OXR1: variants seen among roughly 807,000 people sequenced by gnomAD.
OXR1 encodes the protein oxidation resistance protein 1.
A neutral mutation model predicts 104.6 loss-of-function variants in OXR1; 41 were observed. That is an observed-to-expected ratio of 0.39 (90% CI 0.31 to 0.51). OXR1 has a LOEUF of 0.51. Ranked by LOEUF, OXR1 falls within the 20% of genes least tolerant of loss-of-function variation. OXR1 has a pLI of 0.77. For synonymous variants in OXR1, 348 were observed against 348.4 expected (o/e 1.00, Z 0.01); for missense variants, 955 against 1,031.9 (o/e 0.93, Z 1.02).
chr8:106,582,175 G>GAC (rs1554598100), intron 3 of OXR1, among the ~76,000 whole-genome samples: 1 of 60,126 alleles, frequency 1.7e-5, no homozygotes, highest in African/African-American at 1.2e-4. Flanking sequence ...TTTTTCTATT[G>GAC]ACATATATAT....
intron 2 of OXR1, among the ~76,000 whole-genome samples, chr8:106,490,115 T>G (rs1351860149): frequency 6.6e-6 from 1 of 152,196 alleles, no homozygotes; most frequent in Non-Finnish European, 1.5e-5. Flanking sequence ...TAAAAAGGAA[T>G]ACCTTTCCCC....
intron 3 of OXR1, chr8:106,657,919 G>GT: frequency 8.0e-7 from 1 of 1,247,190 alleles, no homozygotes; most frequent in Non-Finnish European, 1.0e-6. Context: ...GGGCGCGCTA[G>GT]TGGTGGCCGC....
At chr8:106,377,700 C>T (rs928836795) in intron 2 of OXR1, among the ~76,000 whole-genome samples, 1 of 151,992 alleles carries the variant, frequency 6.6e-6, no homozygotes, top group Non-Finnish European at 1.5e-5. Context: ...TTTTAAGCAG[C>T]GAATGCTATT....
chr8:106,363,048 G>A (rs1174077360), intron 2 of OXR1, among the ~76,000 whole-genome samples: 4 of 152,190 alleles, frequency 2.6e-5, no homozygotes, highest in Admixed American at 1.3e-4. Context: ...GTTAAAGACT[G>A]GACAGCATCT....
rs74953045 is a variant in OXR1, at chr8:106,526,845, G to A, written c.220+7706G>A. ...GGCGTGAGCCACCGCGCCATGTATA[G>A]CTATTGTCTCTTCAGAGTGGTTTAG... is the stretch of plus-strand genomic sequence containing the variant. On this transcript the variant is annotated intron_variant, in intron 3 of 16. Coordinates refer to ENST00000517566, the MANE Select transcript of OXR1 (RefSeq NM_001198533.2). Among the ~76,000 whole-genome samples the A allele has an allele frequency of 4.5e-3, 689 of 152,274 alleles. 4 individuals carry two copies. The highest frequency in any genetic ancestry group is 0.016 in the African/African-American group (654 of 41,568).
At chr8:106,612,275 G>T (rs1820873811) in intron 3 of OXR1, among the ~76,000 whole-genome samples, 1 of 152,018 alleles carries the variant, frequency 6.6e-6, no homozygotes. Flanking sequence ...AAATAATATG[G>T]AAATGAAATA....
chr8:106,734,654 T>A (rs2131542614), intron 11 of OXR1, among the ~76,000 whole-genome samples: 1 of 152,318 alleles, frequency 6.6e-6, no homozygotes, highest in African/African-American at 2.4e-5. Flanking sequence ...ACTGTGAATT[T>A]TCTCTAGTCT....
chr8:106,513,540 C>A (rs990413608), intron 2 of OXR1, among the ~76,000 whole-genome samples: 1 of 152,098 alleles, frequency 6.6e-6, no homozygotes, highest in Non-Finnish European at 1.5e-5. Flanking sequence ...TCAGTTAGTT[C>A]TCTTGTTATC....
intron 1 of OXR1, among the ~76,000 whole-genome samples, chr8:106,329,904 A>T (rs886107316): frequency 4.0e-5 from 6 of 151,754 alleles, no homozygotes; most frequent in African/African-American, 1.5e-4. Context: ...GTGTTGTGAG[A>T]ACTCAATTCA....
chr8:106,559,296 C>A (rs1018286880), intron 3 of OXR1, among the ~76,000 whole-genome samples: 1 of 152,170 alleles, frequency 6.6e-6, no homozygotes, highest in African/African-American at 2.4e-5. Flanking sequence ...ATATTTCTAA[C>A]AACATTCTGA....
chr8:106,605,176 T>C (rs1406138844), intron 3 of OXR1: 1 of 152,232 alleles, frequency 6.6e-6, no homozygotes, highest in African/African-American at 2.4e-5. Flanking sequence ...CAAGCTTTTT[T>C]AGAAGAGTTT....
chr8:106,495,103 G>A (rs780561500), intron 2 of OXR1, among the ~76,000 whole-genome samples: 1 of 151,640 alleles, frequency 6.6e-6, no homozygotes, highest in African/African-American at 2.4e-5. Flanking sequence ...AATGAATATA[G>A]GTATTGGTAA....
At chr8:106,607,401 A>G (rs1031145567) in intron 3 of OXR1, among the ~76,000 whole-genome samples, 14 of 152,216 alleles carry the variant, frequency 9.2e-5, no homozygotes, top group African/African-American at 3.4e-4. Flanking sequence ...GCATAAGTCA[A>G]CATTTGGAGT....
At chr8:106,407,751 A>G (rs1818295581) in intron 2 of OXR1, among the ~76,000 whole-genome samples, 1 of 152,194 alleles carries the variant, frequency 6.6e-6, no homozygotes, top group Non-Finnish European at 1.5e-5. Flanking sequence ...TGACCTGGGA[A>G]TTGCCAGTAC....
chr8:106,312,671 TTAAG>T (rs1398308630), intron 1 of OXR1, among the ~76,000 whole-genome samples: 1 of 152,200 alleles, frequency 6.6e-6, no homozygotes, highest in Admixed American at 6.5e-5. Context: ...CCTATATGAA[TTAAG>T]TCTTATGGTG....
intron 3 of OXR1, among the ~76,000 whole-genome samples, chr8:106,545,699 C>T (rs908876469): frequency 6.6e-6 from 1 of 152,036 alleles, no homozygotes. Context: ...AAGGAAGCCC[C>T]ACAGATCAAA....
chr8:106,416,415 T>A (rs186544890), intron 2 of OXR1, among the ~76,000 whole-genome samples: 7 of 152,242 alleles, frequency 4.6e-5, no homozygotes, highest in Non-Finnish European at 8.8e-5. Flanking sequence ...TCCATTGGTA[T>A]TTCTTTGAAA....
rs571685236 is a variant in OXR1, at chr8:106,325,459, A to G, written c.-138-34017A>G. 6.6e-5 allele frequency among the ~76,000 whole-genome samples: 10 copies of G among 152,270 alleles called. No individual in the cohort carries two copies. The East Asian group carries it at 7.7e-4, about 12-fold the overall frequency. ...AGTTTTTTTATCCCCAACTCTATTA[A>G]TCTTTATCAAATAACTTCTCTGTGC... On this transcript the variant is annotated intron_variant, in intron 1 of 16. Transcript: ENST00000517566.
intron 3 of OXR1, among the ~76,000 whole-genome samples, chr8:106,663,324 G>A (rs764782386): frequency 6.6e-6 from 1 of 152,082 alleles, no homozygotes; most frequent in Non-Finnish European, 1.5e-5. Context: ...TTGAGATAGG[G>A]GAAAAATGTG....
Sources: allele counts gnomAD v4.1 joint callset (sites outside exome capture counted in the v4.1 genomes callset), GRCh38; gene constraint gnomAD v4.1.1; transcripts MANE v1.5; gene names NCBI Gene and HGNC (gene_info 2026-07-23, HGNC 2026-07-21).